Variants in LIPA observed in about 807,000 individuals in gnomAD.
The protein encoded by LIPA is lipase A, lysosomal acid type, also known as lysosomal acid lipase/cholesteryl ester hydrolase.
LIPA carries 26 observed loss-of-function variants against 40.6 expected under a neutral mutation model. The observed-to-expected ratio is 0.64, with a 90% CI of 0.47 to 0.89. The LOEUF is 0.89. Ranked by LOEUF, LIPA falls within the 40% of genes least tolerant of loss-of-function variation. LIPA has a pLI of 0.00. For synonymous variants in LIPA, 188 were observed against 168.4 expected, an observed-to-expected ratio of 1.12 and a Z score of -0.90; for missense variants, 455 against 479.6, an observed-to-expected ratio of 0.95 and a Z score of 0.48.
In LIPA at chr10:89,214,764, G is replaced by T; in HGVS notation, c.*64C>A. 1 of 1,023,330 alleles carries T rather than the reference G, an allele frequency of 9.8e-7. No homozygotes were observed. The highest frequency in any genetic ancestry group is 1.5e-6 in the Non-Finnish European group (1 of 654,588). The allele number at this position is 1,023,330 out of a possible 1,614,324, so 63.4% of individuals were successfully genotyped here. A position where few individuals can be genotyped will look rare whatever the true frequency, so the allele number is the denominator to read the frequency against. ...AGAAAAACAAGTGTTTTACAGAAAT[G>T]AAGCAAACACATTTTCACATGACAT... On this transcript the variant is annotated 3_prime_UTR_variant, in exon 10 of 10. Coordinates refer to ENST00000336233, the MANE Select transcript of LIPA (RefSeq NM_000235.4).
chr10:89,224,134 C>A (rs1289943079), intron 6 of LIPA, among the ~76,000 whole-genome samples: 1 of 152,184 alleles, frequency 6.6e-6, no homozygotes, highest in Non-Finnish European at 1.5e-5. Flanking sequence ...CAGGGCCATC[C>A]CCAAGTAATT....
At chr10:89,397,757 G>C (rs1240427900) in intron 2 of LIPA, among the ~76,000 whole-genome samples, 1 of 152,056 alleles carries the variant, frequency 6.6e-6, no homozygotes, top group Non-Finnish European at 1.5e-5. Context: ...CCAGTGGTCT[G>C]TTGAACTATA....
intron 1 of LIPA, among the ~76,000 whole-genome samples, chr10:89,301,654 G>T (rs1589593857): frequency 6.6e-6 from 1 of 152,216 alleles, no homozygotes; most frequent in East Asian, 1.9e-4. Context: ...ACCTTAGCAG[G>T]AAGTGGGGTT....
chr10:89,410,969 T>C (rs561787558), intron 2 of LIPA, among the ~76,000 whole-genome samples: 7 of 152,030 alleles, frequency 4.6e-5, no homozygotes, highest in Non-Finnish European at 7.4e-5. Flanking sequence ...AAGAGAGAGA[T>C]AGAAGTAGTA....
chr10:89,250,377 A>G (rs1843102280), intron 1 of LIPA, among the ~76,000 whole-genome samples: 1 of 152,140 alleles, frequency 6.6e-6, no homozygotes, highest in African/African-American at 2.4e-5. Context: ...TGCTAGGATT[A>G]CAGGCGTGAG....
At chr10:89,393,223 T>G (rs1589632360) in intron 2 of LIPA, 1 of 1,289,894 alleles carries the variant, frequency 7.8e-7, no homozygotes, top group Non-Finnish European at 1.0e-6. Flanking sequence ...GCTCACAGCC[T>G]TCCTCCATAG....
At chr10:89,271,847 A>C (rs1202680336) in intron 1 of LIPA, among the ~76,000 whole-genome samples, 1 of 152,034 alleles carries the variant, frequency 6.6e-6, no homozygotes, top group Non-Finnish European at 1.5e-5. Context: ...AGATCATTTG[A>C]GCCTCAGGGG....
chr10:89,324,383 T>G (rs962599683), intron 1 of LIPA, among the ~76,000 whole-genome samples: 5 of 152,034 alleles, frequency 3.3e-5, no homozygotes, highest in African/African-American at 1.2e-4. Flanking sequence ...CAACTCAAGA[T>G]GGATGAAATG....
At chr10:89,333,643 T>C (rs1843684861) in intron 1 of LIPA, among the ~76,000 whole-genome samples, 2 of 152,150 alleles carry the variant, frequency 1.3e-5, no homozygotes. Context: ...CAGACCAGAA[T>C]TGGCAACAAA....
chr10:89,250,032 T>G lies in LIPA; in HGVS notation c.-2+1705A>C, dbSNP rs139679147. Among the ~76,000 whole-genome samples, 944 of 152,204 alleles carry G rather than the reference T, an allele frequency of 6.2e-3. 22 individuals carry two copies. The highest frequency in any genetic ancestry group is 0.015 in the Admixed American group (235 of 15,296). On this transcript the variant is annotated intron_variant, in intron 1 of 9. Transcript: ENST00000336233. ...TGATGGAATTCCTCCTGGGATTATT[T>G]TTTTCCAAGAAGTAGTGAACTCTGA...
chr10:89,248,322 C>T (rs981024457), intron 1 of LIPA, among the ~76,000 whole-genome samples: 21 of 150,996 alleles, frequency 1.4e-4, no homozygotes, highest in African/African-American at 2.9e-4. Flanking sequence ...CCACCATGCC[C>T]GGCTAATTTT....
chr10:89,381,060 T>G (rs1392556574), intron 2 of LIPA, among the ~76,000 whole-genome samples: 1 of 152,216 alleles, frequency 6.6e-6, no homozygotes, highest in African/African-American at 2.4e-5. Flanking sequence ...ATGGCCATGA[T>G]TAGATCACTC....
chr10:89,351,558 T>G (rs1185883710), intron 2 of LIPA, among the ~76,000 whole-genome samples: 1 of 152,152 alleles, frequency 6.6e-6, no homozygotes, highest in African/African-American at 2.4e-5. Context: ...CAACACAAAC[T>G]AAGGCTGAAA....
At chr10:89,248,562 C>T (rs1477582832) in intron 1 of LIPA, among the ~76,000 whole-genome samples, 6 of 150,886 alleles carry the variant, frequency 4.0e-5, no homozygotes. Flanking sequence ...GCAAGCTCCG[C>T]CTCCCAGGTT....
chr10:89,314,173 G>A (rs950325971), intron 1 of LIPA, among the ~76,000 whole-genome samples: 1 of 152,088 alleles, frequency 6.6e-6, no homozygotes, highest in African/African-American at 2.4e-5. Flanking sequence ...TTCACATTCG[G>A]TAGATATGTT....
chr10:89,256,942 T>C (rs563748520), intron 1 of LIPA, among the ~76,000 whole-genome samples: 19 of 152,320 alleles, frequency 1.2e-4, no homozygotes, highest in African/African-American at 4.6e-4. Context: ...AAGGAGACTC[T>C]ACATAAGAAA....
At chr10:89,239,775 AC>A (rs1332973591) in intron 3 of LIPA, among the ~76,000 whole-genome samples, 1 of 152,116 alleles carries the variant, frequency 6.6e-6, no homozygotes, top group Non-Finnish European at 1.5e-5. Context: ...TGGGCCATTT[AC>A]ATCATTCTTC....
chr10:89,369,867 A>G (rs1463860098), intron 2 of LIPA, among the ~76,000 whole-genome samples: 2 of 152,262 alleles, frequency 1.3e-5, no homozygotes, highest in Non-Finnish European at 2.9e-5. Flanking sequence ...AGGAATGCAT[A>G]CTATATTCCC....
intron 1 of LIPA, among the ~76,000 whole-genome samples, chr10:89,283,203 T>C (rs1007540194): frequency 6.6e-6 from 1 of 152,194 alleles, no homozygotes; most frequent in Non-Finnish European, 1.5e-5. Flanking sequence ...TGGCCAACCA[T>C]TCAAACCATG....
Sources: allele counts gnomAD v4.1 joint callset (sites outside exome capture counted in the v4.1 genomes callset), GRCh38; gene constraint gnomAD v4.1.1; transcripts MANE v1.5; gene names NCBI Gene and HGNC (gene_info 2026-07-23, HGNC 2026-07-21).